HACD2: variants seen among roughly 807,000 people sequenced by gnomAD.
HACD2 encodes the protein 3-hydroxyacyl-CoA dehydratase 2, also known as very-long-chain (3R)-3-hydroxyacyl-CoA dehydratase 2.
In HACD2, 15 loss-of-function variants were observed where a neutral mutation model predicts 31.0. The ratio of observed to expected loss-of-function variants is 0.48; its 90% CI spans 0.32 to 0.75. HACD2 has a LOEUF of 0.75. Ranked by LOEUF, HACD2 falls within the 30% of genes least tolerant of loss-of-function variation. HACD2 has a pLI of 0.03. For missense variants in HACD2, 283 were observed against 313.0 expected (o/e 0.90, Z 0.72); for synonymous variants, 115 against 122.2 (o/e 0.94, Z 0.39).
In HACD2 at chr3:123,582,216, A is replaced by G; in HGVS notation, c.269T>C (p.Leu90Ser). The G allele has an allele frequency of 1.9e-6, 3 of 1,576,842 alleles. No homozygotes were observed. The highest frequency in any genetic ancestry group is 2.6e-6 in the Non-Finnish European group (3 of 1,159,696). ...ACAATAAATCTCAGGACCTACCTCCAATAAGGCTCCAGTTTGAAAGAATTT... is the reference window on the plus strand; with the variant it reads ...ACAATAAATCTCAGGACCTACCTCCGATAAGGCTCCAGTTTGAAAGAATTT... ...PLKFFQTGAL[L>S]EILHCAIGIV... Residue 90 changes from leucine to serine, a missense_variant, in exon 2 of 7, where the codon TTG becomes TCG. By Grantham distance (145) the Leu-to-Ser change is moderately radical. Transcript: ENST00000383657.
At chr3:123,556,713 T>A (rs2056676282) in intron 3 of HACD2, among the ~76,000 whole-genome samples, 1 of 152,098 alleles carries the variant, frequency 6.6e-6, no homozygotes, top group Non-Finnish European at 1.5e-5. Flanking sequence ...TGAACACCTG[T>A]CTGATAAAGA....
At position 123,567,787 on chromosome 3, in the gene HACD2, G is replaced by A. The variant is rs1576235769; in HGVS notation, c.274-7C>T. 6.8e-7 allele frequency: 1 copy of A among 1,474,566 alleles called. No individual in the cohort carries two copies. Among genetic ancestry groups the A allele is most frequent in the East Asian group, 2.4e-5 (1 of 40,888 alleles). The allele number at this position is 1,474,566 out of a possible 1,614,324, so 91.3% of individuals were successfully genotyped here. A position where few individuals can be genotyped will look rare whatever the true frequency, so the allele number is the denominator to read the frequency against. The stretch of plus-strand genomic sequence containing the variant: ...CTATAGCACAATGTAAAATCTAGAG[G>A]AAAAAAGGGGAAAAAAGAGGAGAAT... On this transcript the variant is annotated splice_polypyrimidine_tract_variant and splice_region_variant and intron_variant, in intron 2 of 6. Coordinates refer to ENST00000383657, the MANE Select transcript of HACD2 (RefSeq NM_198402.5).
At chr3:123,537,859 CAAATT>C (rs1346009240) in intron 3 of HACD2, among the ~76,000 whole-genome samples, 1 of 151,534 alleles carries the variant, frequency 6.6e-6, no homozygotes, top group Non-Finnish European at 1.5e-5. Flanking sequence ...TTAAAGAACA[CAAATT>C]AAATTTTCAA....
intron 3 of HACD2, among the ~76,000 whole-genome samples, chr3:123,560,099 T>C (rs2056711732): frequency 6.6e-6 from 1 of 152,236 alleles, no homozygotes; most frequent in African/African-American, 2.4e-5. Context: ...AAGCAAGGTT[T>C]ATTCAGAGAA....
intron 3 of HACD2, among the ~76,000 whole-genome samples, chr3:123,538,146 C>CT (rs1006167200): frequency 6.6e-6 from 1 of 152,052 alleles, no homozygotes; most frequent in Admixed American, 6.6e-5. Context: ...ATTCTCTTTT[C>CT]TTTTTTCCCA....
chr3:123,544,175 C>T (rs1441790268), intron 3 of HACD2, among the ~76,000 whole-genome samples: 6 of 152,102 alleles, frequency 3.9e-5, no homozygotes, highest in East Asian at 1.9e-4. Context: ...AAGAGCCTGT[C>T]GACAGCACAT....
At chr3:123,525,944 T>C (rs966572080) in intron 4 of HACD2, among the ~76,000 whole-genome samples, 3 of 152,240 alleles carry the variant, frequency 2.0e-5, no homozygotes, top group Non-Finnish European at 2.9e-5. Context: ...TCATATGTGA[T>C]GTTATACAGA....
At chr3:123,535,914 C>G (rs1174016973) in intron 3 of HACD2, among the ~76,000 whole-genome samples, 1 of 152,202 alleles carries the variant, frequency 6.6e-6, no homozygotes, top group Admixed American at 6.5e-5. Context: ...AGAGAAAATT[C>G]TCCCTCCCAA....
chr3:123,564,657 A>G (rs2056772136), intron 3 of HACD2, among the ~76,000 whole-genome samples: 1 of 152,196 alleles, frequency 6.6e-6, no homozygotes, highest in African/African-American at 2.4e-5. Flanking sequence ...ATGAGGAAGT[A>G]GAAAGAGCCT....
intron 3 of HACD2, among the ~76,000 whole-genome samples, chr3:123,539,198 T>G (rs933122512): frequency 6.6e-6 from 1 of 152,178 alleles, no homozygotes; most frequent in African/African-American, 2.4e-5. Context: ...CAAAACCTTC[T>G]GGGGCGAAAT....
At chr3:123,542,520 T>G (rs1234780154) in intron 3 of HACD2, among the ~76,000 whole-genome samples, 1 of 152,286 alleles carries the variant, frequency 6.6e-6, no homozygotes, top group East Asian at 1.9e-4. Context: ...AATTAGTCAT[T>G]ACACATAAAG....
chr3:123,502,942 G>T, intron 4 of HACD2: 2 of 375,032 alleles, frequency 5.3e-6, no homozygotes, highest in South Asian at 4.0e-5. Context: ...AACACGAGGG[G>T]TGGGGATTTA....
At chr3:123,541,007 A>G (rs1035151711) in intron 3 of HACD2, among the ~76,000 whole-genome samples, 1 of 152,194 alleles carries the variant, frequency 6.6e-6, no homozygotes, top group Non-Finnish European at 1.5e-5. Flanking sequence ...ACGATGGCTC[A>G]TGTCTATAAT....
chr3:123,565,296 G>C (rs905991696), intron 3 of HACD2, among the ~76,000 whole-genome samples: 2 of 152,126 alleles, frequency 1.3e-5, no homozygotes, highest in African/African-American at 4.8e-5. Flanking sequence ...ACACATGCTT[G>C]GTGCTGTACC....
Position 123,517,344 on chromosome 3 carries a change from T to TG in HACD2, c.381+11041dup, listed in dbSNP as rs568749702. Among the ~76,000 whole-genome samples the TG allele has an allele frequency of 2.9e-3, 445 of 152,356 alleles. 2 individuals are homozygous for TG. The highest frequency in any genetic ancestry group is 6.1e-3 in the Admixed American group (94 of 15,302). ...CTTTCCCAATATTCTTCCTTAGTCC[T>TG]GTTTGATTTGCTCACCTCCAAAAAG... is the stretch of plus-strand genomic sequence containing the variant. On this transcript the variant is annotated intron_variant, in intron 4 of 6. Coordinates refer to ENST00000383657, the MANE Select transcript of HACD2 (RefSeq NM_198402.5).
intron 3 of HACD2, among the ~76,000 whole-genome samples, chr3:123,561,428 T>A (rs2056727745): frequency 6.6e-6 from 1 of 152,174 alleles, no homozygotes; most frequent in South Asian, 2.1e-4. Flanking sequence ...GAAATTAAAG[T>A]GCAAATACTA....
rs1170511254 is a variant in HACD2, at chr3:123,528,422, A to G, written c.345T>C (p.Val115=). ...TATGTGTTACTGCCCATATTAGAAA[A>G]ACTCTTGACATCACCTGGAAAGAAG... ...VLTSFQVMSR[V]FLIWAVTHSV... Residue 115 remains valine, a synonymous_variant, in exon 4 of 7, where the codon GTT becomes GTC. Coordinates refer to ENST00000383657, the MANE Select transcript of HACD2 (RefSeq NM_198402.5). The G allele has an allele frequency of 2.5e-6, 4 of 1,613,162 alleles. No individual in the cohort carries two copies. Among genetic ancestry groups the G allele is most frequent in the Non-Finnish European group, 3.4e-6 (4 of 1,179,246 alleles).
chr3:123,561,147 A>G (rs889520420), intron 3 of HACD2, among the ~76,000 whole-genome samples: 1 of 152,292 alleles, frequency 6.6e-6, no homozygotes. Context: ...AGTGGGCTGG[A>G]AAGATTTTTT....
rs536903189 is a variant in HACD2, at chr3:123,552,706, G to A, written c.292+15056C>T. Among the ~76,000 whole-genome samples the A allele has an allele frequency of 2.0e-5, 3 of 152,118 alleles. No homozygotes were observed. The South Asian group carries it at 6.2e-4, about 32-fold the overall frequency. ...CATTTGGGCTATGAAAAAAATACAT[G>A]TTTAATCAATTCAAAAACTGAAAAT... On this transcript the variant is annotated intron_variant, in intron 3 of 6. Coordinates refer to ENST00000383657, the MANE Select transcript of HACD2 (RefSeq NM_198402.5).
Sources: gnomAD v4.1 joint callset for allele counts (sites outside exome capture counted in the v4.1 genomes callset) on GRCh38, gnomAD v4.1.1 for gene constraint, MANE v1.5 for transcripts, NCBI Gene and HGNC (gene_info 2026-07-23, HGNC 2026-07-21) for gene names.